Variants in EXOC5 observed in about 807,000 individuals in gnomAD.
The protein encoded by EXOC5 is exocyst complex component 5, also known as SEC10-like 1.
EXOC5 carries 17 observed loss-of-function variants against 90.8 expected under a neutral mutation model. The ratio of observed to expected loss-of-function variants is 0.19; its 90% confidence interval spans 0.13 to 0.28. The LOEUF (loss-of-function observed/expected upper bound fraction) is 0.28. Among genes scored for constraint, EXOC5 ranks in the 10% least tolerant of loss-of-function variants. EXOC5 has a pLI of 1.00. For synonymous variants in EXOC5, 260 were observed against 270.0 expected (o/e 0.96, Z 0.36); for missense variants, 569 against 830.6 (o/e 0.69, Z 3.87).
intron 12 of EXOC5, among the ~76,000 whole-genome samples, chr14:57,227,381 G>T (rs1173193738): frequency 6.6e-6 from 1 of 151,856 alleles, no homozygotes; most frequent in African/African-American, 2.4e-5. Context: ...TTAAATTGTT[G>T]TATAGTTTTC....
intron 4 of EXOC5, among the ~76,000 whole-genome samples, chr14:57,240,805 G>A (rs1883835823): frequency 6.6e-6 from 1 of 152,100 alleles, no homozygotes; most frequent in Admixed American, 6.6e-5. Flanking sequence ...AAAACAGTGA[G>A]ACTCATAAAT....
intron 12 of EXOC5, among the ~76,000 whole-genome samples, chr14:57,222,888 A>T (rs1883195858): frequency 6.6e-6 from 1 of 151,952 alleles, no homozygotes; most frequent in Admixed American, 6.6e-5. Context: ...CTGACTGAGC[A>T]AAGAACAGTC....
At chr14:57,258,093 T>C (rs562151148) in intron 1 of EXOC5, among the ~76,000 whole-genome samples, 2 of 152,300 alleles carry the variant, frequency 1.3e-5, no homozygotes, top group African/African-American at 4.8e-5. Flanking sequence ...ATGTTACCAA[T>C]TGTAACATTA....
At position 57,268,843 on chromosome 14, in the gene EXOC5, C is replaced by A; in HGVS notation, c.-195G>T. The A allele has an allele frequency of 7.4e-7, 1 of 1,359,200 alleles. No homozygotes were observed. The highest frequency in any genetic ancestry group is 2.9e-5 in the East Asian group (1 of 34,826). The allele number at this position is 1,359,200 out of a possible 1,614,324, so 84.2% of individuals were successfully genotyped here. A position where few individuals can be genotyped will look rare whatever the true frequency, so the allele number is the denominator to read the frequency against. On this transcript the variant is annotated 5_prime_UTR_variant, in exon 1 of 18. Coordinates refer to ENST00000621441, the MANE Select transcript of EXOC5 (RefSeq NM_006544.4). Reference sequence around the variant, plus strand: ...AAGCGAAGCCGCAAACGCTTGTCAGCTGCCTCCCGGCGCCGCCCGCGCTGC... The same window carrying A: ...AAGCGAAGCCGCAAACGCTTGTCAGATGCCTCCCGGCGCCGCCCGCGCTGC...
In EXOC5 at chr14:57,202,742, C is replaced by G. The variant is rs1243553982; in HGVS notation, c.*5867G>C. ...GTTATTAATTTCCTTTGAAATTTTT[C>G]TCATGCAAGACTTTCAGAATCTTGT... On this transcript the variant is annotated 3_prime_UTR_variant, in exon 18 of 18. Coordinates refer to ENST00000621441, the MANE Select transcript of EXOC5 (RefSeq NM_006544.4). 1.1e-4 allele frequency: 16 copies of G among 152,208 alleles called. No homozygotes were observed. Among genetic ancestry groups the G allele is most frequent in the African/African-American group, 3.9e-4 (16 of 41,542 alleles). 9.4% of individuals were successfully genotyped at this position (152,208 alleles called of 1,614,324 possible). A position where few individuals can be genotyped will look rare whatever the true frequency, so the allele number is the denominator to read the frequency against.
intron 1 of EXOC5, among the ~76,000 whole-genome samples, chr14:57,249,178 T>G (rs1884112947): frequency 3.3e-5 from 5 of 152,176 alleles, no homozygotes; most frequent in Admixed American, 3.3e-4. Context: ...TGGTAAGTAG[T>G]AAGTCTACAA....
chr14:57,237,912 T>A (rs1172063372), intron 5 of EXOC5, among the ~76,000 whole-genome samples: 1 of 152,048 alleles, frequency 6.6e-6, no homozygotes, highest in African/African-American at 2.4e-5. Context: ...CCTAGCAGAG[T>A]AGCCATTCAA....
intron 1 of EXOC5, among the ~76,000 whole-genome samples, chr14:57,258,218 A>T (rs1884405600): frequency 6.6e-6 from 1 of 152,192 alleles, no homozygotes; most frequent in Non-Finnish European, 1.5e-5. Flanking sequence ...AAAGATTACA[A>T]ATCATTCTAC....
At chr14:57,231,456 A>C in intron 11 of EXOC5, 50 bp downstream of exon 11, 1 of 1,258,264 alleles carries the variant, frequency 7.9e-7, no homozygotes, top group East Asian at 2.3e-5. Flanking sequence ...AATATAATGA[A>C]GTTATTAATG....
intron 7 of EXOC5, among the ~76,000 whole-genome samples, chr14:57,234,768 T>C (rs1883607034): frequency 6.6e-6 from 1 of 151,796 alleles, no homozygotes; most frequent in South Asian, 2.1e-4. Context: ...TCTCACCATG[T>C]TGCCTAAGCT....
chr14:57,213,157 AG>A (rs1215567561), intron 15 of EXOC5, among the ~76,000 whole-genome samples: 1 of 151,874 alleles, frequency 6.6e-6, no homozygotes, highest in African/African-American at 2.4e-5. Flanking sequence ...GCTGAAGTGG[AG>A]GATCACTTGA....
intron 15 of EXOC5, among the ~76,000 whole-genome samples, chr14:57,214,123 T>G (rs1361694776): frequency 6.6e-6 from 1 of 152,172 alleles, no homozygotes; most frequent in Non-Finnish European, 1.5e-5. Flanking sequence ...ACACAGGTCT[T>G]GGCTGCACGT....
In EXOC5 at chr14:57,205,713, A is replaced by G. The variant is rs1380716136; in HGVS notation, c.*2896T>C. ...TTTCACTGTGAACCAGAAGGCTAGT[A>G]TTTAGAAAGCAAAATATTTAGAAGT... On this transcript the variant is annotated 3_prime_UTR_variant, in exon 18 of 18. Transcript: ENST00000621441. 8.2e-6 allele frequency: 3 copies of G among 366,490 alleles called. No individual in the cohort carries two copies. The highest frequency in any genetic ancestry group is 1.0e-5 in the Non-Finnish European group (2 of 191,160). 22.7% of individuals were successfully genotyped at this position (366,490 alleles called of 1,614,324 possible).
chr14:57,226,314 G>A (rs534834234), intron 12 of EXOC5, among the ~76,000 whole-genome samples: 1 of 152,174 alleles, frequency 6.6e-6, no homozygotes, highest in South Asian at 2.1e-4. Flanking sequence ...TTTATTTTCC[G>A]TTCTCACAGG....
intron 1 of EXOC5, among the ~76,000 whole-genome samples, chr14:57,257,394 A>G (rs1884379081): frequency 6.6e-6 from 1 of 152,220 alleles, no homozygotes; most frequent in Non-Finnish European, 1.5e-5. Flanking sequence ...TACTACACGG[A>G]AGAAGCTGGA....
At position 57,208,758 on chromosome 14, in the gene EXOC5, G is replaced by A; in HGVS notation, c.1978C>T (p.Leu660Phe). 1.2e-6 allele frequency: 2 copies of A among 1,609,064 alleles called. No homozygotes were observed. The highest frequency in any genetic ancestry group is 1.7e-6 in the Non-Finnish European group (2 of 1,175,998). The change falls in exon 18 of 18, where the codon CTT (leucine) becomes TTT (phenylalanine). Residue 660 changes from leucine to phenylalanine, a missense_variant. Leu to Phe is a conservative substitution (Grantham distance 22, BLOSUM62 0). This residue lies in a region of EXOC5 where 122 missense variants were observed against 180.0 expected (regional missense o/e 0.68). Transcript: ENST00000621441. Reference protein sequence around the residue: ...VLHLFDTLHALCNLLVVAPDN... With the variant: ...VLHLFDTLHAFCNLLVVAPDN... ...GGGGCAACTACCAGAAGATTGCAAAGAGCATGCAGAGTATCAAAAAGATGT... is the reference window on the plus strand; with the variant it reads ...GGGGCAACTACCAGAAGATTGCAAAAAGCATGCAGAGTATCAAAAAGATGT...
intron 1 of EXOC5, among the ~76,000 whole-genome samples, chr14:57,260,474 G>A (rs1051599443): frequency 6.6e-6 from 1 of 151,978 alleles, no homozygotes; most frequent in African/African-American, 2.4e-5. Context: ...AAATTGTTTT[G>A]AAGACTATTT....
intron 4 of EXOC5, among the ~76,000 whole-genome samples, chr14:57,242,392 G>A (rs926519325): frequency 6.7e-5 from 10 of 148,410 alleles, no homozygotes; most frequent in Non-Finnish European, 1.2e-4. Flanking sequence ...CTATGGACAT[G>A]TGCCACAACG....
At position 57,233,981 on chromosome 14, in the gene EXOC5, A is replaced by C; in HGVS notation, c.714+7T>G. The C allele has an allele frequency of 6.2e-7, 1 of 1,601,248 alleles. No individual in the cohort carries two copies. The highest frequency in any genetic ancestry group is 8.6e-7 in the Non-Finnish European group (1 of 1,168,526). On this transcript the variant is annotated splice_region_variant and intron_variant, in intron 8 of 17. Coordinates refer to ENST00000621441, the MANE Select transcript of EXOC5 (RefSeq NM_006544.4). ...ATAATATCCAACAAAGTGTACTGTT[A>C]TGTTACCTCCTGGCACTGCTTTATA...
Sources: gnomAD v4.1 joint callset for allele counts (sites outside exome capture counted in the v4.1 genomes callset) on GRCh38, gnomAD v4.1.1 for gene constraint, gnomAD v4.1.1 regional missense constraint, MANE v1.5 for transcripts, NCBI Gene and HGNC (gene_info 2026-07-23, HGNC 2026-07-21) for gene names.